NRG3: variants seen among roughly 807,000 people sequenced by gnomAD.
NRG3 encodes neuregulin 3.
Under a neutral mutation model 66.9 loss-of-function variants are expected in NRG3, and 31 were observed. The observed-to-expected ratio is 0.46, with a 90% confidence interval of 0.35 to 0.63. NRG3 has a LOEUF of 0.63. NRG3 is among the 20% of genes least tolerant of loss of function. The pLI is 0.00. For synonymous variants in NRG3, 393 were observed against 359.4 expected, an observed-to-expected ratio of 1.09 and a Z score of -1.06; for missense variants, 910 against 878.9, an observed-to-expected ratio of 1.04 and a Z score of -0.45.
chr10:82,749,788 T>G (rs112852165), intron 3 of NRG3, among the ~76,000 whole-genome samples: 1 of 131,624 alleles, frequency 7.6e-6, no homozygotes, highest in African/African-American at 3.1e-5. Flanking sequence ...AAGGAAGCAC[T>G]GAAAAAAAAA....
Position 81,875,618 on chromosome 10 carries a change from C to T in NRG3, c.278C>T (p.Ser93Phe). Residue 93 changes from serine to phenylalanine, a missense_variant, in exon 1 of 9, where the codon TCC becomes TTC. Ser to Phe is a radical substitution (Grantham distance 155, BLOSUM62 -2). Coordinates refer to ENST00000372141, the MANE Select transcript of NRG3 (RefSeq NM_001010848.4). This position sits in a 1 kb window ranked among gnomAD's most constrained non-coding sequence, Gnocchi z 5.3. ...LMLLKWIVVGSVKEYVPTDLV... is the reference protein window; with the variant it reads ...LMLLKWIVVGFVKEYVPTDLV... The stretch of plus-strand genomic sequence containing the variant: ...CTTCTCAAATGGATCGTGGTGGGCT[C>T]CGTCAAGGAGTACGTGCCCACCGAC... 2 of 1,613,658 alleles carry T rather than the reference C, an allele frequency of 1.2e-6. No individual in the cohort carries two copies. Among genetic ancestry groups the T allele is most frequent in the Non-Finnish European group, 1.7e-6 (2 of 1,179,942 alleles).
intron 3 of NRG3, among the ~76,000 whole-genome samples, chr10:82,820,852 G>A (rs2061921565): frequency 6.6e-6 from 1 of 152,106 alleles, no homozygotes; most frequent in Non-Finnish European, 1.5e-5. Flanking sequence ...TCGTTTTTGT[G>A]GTTTCTCATT....
intron 2 of NRG3, among the ~76,000 whole-genome samples, chr10:82,430,496 A>G (rs1453350107): frequency 1.3e-5 from 2 of 152,200 alleles, no homozygotes; most frequent in Non-Finnish European, 2.9e-5. Flanking sequence ...TGACCTCATG[A>G]TCCACCTGCC....
At chr10:82,531,943 C>T (rs1847311193) in intron 2 of NRG3, among the ~76,000 whole-genome samples, 1 of 151,734 alleles carries the variant, frequency 6.6e-6, no homozygotes, top group African/African-American at 2.4e-5. Context: ...TCATTTCCTC[C>T]TTCTCCTAGC....
intron 4 of NRG3, among the ~76,000 whole-genome samples, chr10:82,870,656 T>G (rs894998852): frequency 6.6e-6 from 1 of 152,174 alleles, no homozygotes; most frequent in East Asian, 1.9e-4. Context: ...AACTCACTGT[T>G]TCAATTTGGA....
intron 3 of NRG3, among the ~76,000 whole-genome samples, chr10:82,856,648 A>T (rs1390062095): frequency 6.6e-6 from 1 of 150,754 alleles, no homozygotes; most frequent in Non-Finnish European, 1.5e-5. Flanking sequence ...GGGGGCTGAG[A>T]CAGGAGAATC....
At chr10:82,319,578 A>G (rs985132006) in intron 1 of NRG3, among the ~76,000 whole-genome samples, 3 of 152,286 alleles carry the variant, frequency 2.0e-5, no homozygotes, top group Non-Finnish European at 2.9e-5. Context: ...CCAGATTACC[A>G]TGGGCTCCAT....
At chr10:82,823,387 A>T (rs1356179238) in intron 3 of NRG3, among the ~76,000 whole-genome samples, 1 of 152,214 alleles carries the variant, frequency 6.6e-6, no homozygotes, top group Admixed American at 6.5e-5. Flanking sequence ...TGGGATTCTG[A>T]AGTGGGAACA....
chr10:82,520,671 T>C (rs1840275985), intron 2 of NRG3, among the ~76,000 whole-genome samples: 1 of 152,166 alleles, frequency 6.6e-6, no homozygotes, highest in Non-Finnish European at 1.5e-5. Flanking sequence ...ATGAAGACAA[T>C]GCAGGAAGAG....
intron 6 of NRG3, among the ~76,000 whole-genome samples, chr10:82,962,520 T>G (rs1344293294): frequency 6.6e-5 from 10 of 152,034 alleles, no homozygotes; most frequent in Non-Finnish European, 1.3e-4. Flanking sequence ...AGATAATACT[T>G]GCATGCTAAA....
intron 1 of NRG3, among the ~76,000 whole-genome samples, chr10:81,982,091 A>G (rs1039747409): frequency 6.6e-6 from 1 of 152,178 alleles, no homozygotes; most frequent in Non-Finnish European, 1.5e-5. Context: ...TTCTTCTTCA[A>G]TAATCTCTTT....
chr10:82,955,880 G>A (rs1490931780), intron 5 of NRG3, among the ~76,000 whole-genome samples: 1 of 151,882 alleles, frequency 6.6e-6, no homozygotes, highest in Non-Finnish European at 1.5e-5. Context: ...CTCCAATGAT[G>A]CATCGATATG....
intron 3 of NRG3, among the ~76,000 whole-genome samples, chr10:82,806,769 A>G (rs1002274439): frequency 6.6e-6 from 1 of 152,202 alleles, no homozygotes; most frequent in Non-Finnish European, 1.5e-5. Flanking sequence ...GGGTACTGGA[A>G]TTAGTGCATA....
intron 3 of NRG3, among the ~76,000 whole-genome samples, chr10:82,816,657 C>T (rs2061718716): frequency 1.3e-5 from 2 of 152,208 alleles, no homozygotes; most frequent in Admixed American, 6.5e-5. Flanking sequence ...TGTCTGCCTC[C>T]TACTTCCTTA....
At chr10:81,911,567 G>C (rs1845151442) in intron 1 of NRG3, among the ~76,000 whole-genome samples, 1 of 149,804 alleles carries the variant, frequency 6.7e-6, no homozygotes, top group Non-Finnish European at 1.5e-5. Context: ...ACTGGAGTGT[G>C]GGCTTGTGTG....
At chr10:82,518,437 A>G (rs1204055473) in intron 2 of NRG3, among the ~76,000 whole-genome samples, 2 of 152,216 alleles carry the variant, frequency 1.3e-5, no homozygotes, top group Non-Finnish European at 2.9e-5. Context: ...CAATCTAACA[A>G]TTAATGATAA....
chr10:82,944,999 C>G (rs566547663), intron 4 of NRG3, among the ~76,000 whole-genome samples: 1 of 152,276 alleles, frequency 6.6e-6, no homozygotes, highest in South Asian at 2.1e-4. Context: ...AGTACCTTTA[C>G]TGGTAGAGAA....
At chr10:82,238,055 C>T (rs770453023) in intron 1 of NRG3, among the ~76,000 whole-genome samples, 3 of 152,116 alleles carry the variant, frequency 2.0e-5, no homozygotes, top group Non-Finnish European at 2.9e-5. Context: ...ACTGATTTTA[C>T]TATATTGGTA....
At chr10:82,052,464 G>T (rs889752762) in intron 1 of NRG3, among the ~76,000 whole-genome samples, 1 of 152,124 alleles carries the variant, frequency 6.6e-6, no homozygotes, top group Admixed American at 6.6e-5. Flanking sequence ...TCATTTCTGT[G>T]CCCAAGGAGC....
Sources: allele counts gnomAD v4.1 joint callset (sites outside exome capture counted in the v4.1 genomes callset), GRCh38; gene constraint gnomAD v4.1.1; non-coding constraint Gnocchi (gnomAD v3.1); transcripts MANE v1.5; gene names NCBI Gene and HGNC (gene_info 2026-07-23, HGNC 2026-07-21).